The following MACROD2 variants were observed in gnomAD, a reference collection of about 807,000 sequenced individuals.
MACROD2 encodes the protein ADP-ribose glycohydrolase MACROD2.
MACROD2 carries 36 observed loss-of-function variants against 70.4 expected under a neutral mutation model. The ratio of observed to expected loss-of-function variants is 0.51; its 90% CI spans 0.39 to 0.68. The LOEUF (loss-of-function observed/expected upper bound fraction) is 0.68. Ranked by LOEUF, MACROD2 falls within the 30% of genes least tolerant of loss-of-function variation. MACROD2 has a pLI of 0.00. For missense variants in MACROD2, 496 were observed against 538.4 expected (o/e 0.92, Z 0.78); for synonymous variants, 172 against 178.8 (o/e 0.96, Z 0.30).
At chr20:14,127,834 C>G (rs146969935) in intron 3 of MACROD2, 189 of 465,362 alleles carry the variant, frequency 4.1e-4, no homozygotes, top group Non-Finnish European at 6.6e-4. Context: ...AAACAGCAAT[C>G]AATAGCAGGA....
chr20:15,375,675 G>GA (rs544494721), intron 6 of MACROD2, among the ~76,000 whole-genome samples: 4 of 151,844 alleles, frequency 2.6e-5, no homozygotes, highest in Non-Finnish European at 5.9e-5. Context: ...TTTGTTAAAA[G>GA]AAAAAAAATC....
chr20:14,915,767 G>C (rs533286847), intron 5 of MACROD2, among the ~76,000 whole-genome samples: 2 of 152,128 alleles, frequency 1.3e-5, no homozygotes, highest in South Asian at 4.1e-4. Flanking sequence ...TCCACAGCAC[G>C]GTTGACAAAA....
At chr20:14,853,226 TG>T (rs11475878) in intron 5 of MACROD2, among the ~76,000 whole-genome samples, 4,503 of 151,316 alleles carry the variant, frequency 0.03, 218 homozygotes, top group African/African-American at 0.1. Flanking sequence ...GAAGCAAGTT[TG>T]TGACATATAA....
intron 4 of MACROD2, among the ~76,000 whole-genome samples, chr20:14,571,388 G>T (rs1392311213): frequency 1.3e-5 from 2 of 151,968 alleles, no homozygotes; most frequent in Non-Finnish European, 2.9e-5. Flanking sequence ...AAGTCCAGAT[G>T]ATTAAAGTTA....
intron 5 of MACROD2, among the ~76,000 whole-genome samples, chr20:14,773,703 C>G (rs186141177): frequency 2.1e-4 from 32 of 152,202 alleles, no homozygotes; most frequent in Non-Finnish European, 2.9e-4. Flanking sequence ...TAACTCACAT[C>G]TAATATATAG....
At chr20:14,623,391 A>C (rs1327361459) in intron 4 of MACROD2, among the ~76,000 whole-genome samples, 1 of 152,126 alleles carries the variant, frequency 6.6e-6, no homozygotes, top group African/African-American at 2.4e-5. Context: ...AATAAGGGAG[A>C]GTTTATGAAC....
intron 6 of MACROD2, among the ~76,000 whole-genome samples, chr20:15,372,591 A>G: frequency 6.6e-6 from 1 of 152,198 alleles, no homozygotes; most frequent in South Asian, 2.1e-4. Flanking sequence ...AGTTCCTTAC[A>G]TATTTGGTAT....
chr20:15,489,143 A>C (rs1442390376), intron 7 of MACROD2, among the ~76,000 whole-genome samples: 1 of 152,236 alleles, frequency 6.6e-6, no homozygotes, highest in Non-Finnish European at 1.5e-5. Flanking sequence ...TAAATGAAAG[A>C]AAAAGTGTCT....
chr20:15,827,794 C>T (rs1197773385), intron 8 of MACROD2, among the ~76,000 whole-genome samples: 1 of 152,156 alleles, frequency 6.6e-6, no homozygotes, highest in Non-Finnish European at 1.5e-5. Flanking sequence ...TAGCCATTTG[C>T]ATAGGGCATT....
intron 5 of MACROD2, among the ~76,000 whole-genome samples, chr20:15,037,534 C>T (rs1425176056): frequency 6.6e-6 from 1 of 152,186 alleles, no homozygotes; most frequent in Non-Finnish European, 1.5e-5. Context: ...GTCACATGTA[C>T]ATGATTTCAA....
intron 3 of MACROD2, among the ~76,000 whole-genome samples, chr20:14,475,126 T>C (rs1451117527): frequency 2.0e-5 from 3 of 152,042 alleles, no homozygotes; most frequent in Non-Finnish European, 2.9e-5. Context: ...TTGTTTTTTA[T>C]AGGTTTTTAC....
intron 3 of MACROD2, among the ~76,000 whole-genome samples, chr20:14,134,751 G>C (rs2054769032): frequency 7.2e-6 from 1 of 139,296 alleles, no homozygotes; most frequent in East Asian, 2.2e-4. Flanking sequence ...GTTGCAGTGA[G>C]CCGAGATCGC....
chr20:14,401,844 T>C (rs2083641172), intron 3 of MACROD2, among the ~76,000 whole-genome samples: 1 of 152,166 alleles, frequency 6.6e-6, no homozygotes, highest in South Asian at 2.1e-4. Flanking sequence ...TATTTCCCCT[T>C]CTGCTAGACT....
chr20:14,249,931 A>G (rs761566666), intron 3 of MACROD2, among the ~76,000 whole-genome samples: 2 of 152,178 alleles, frequency 1.3e-5, no homozygotes, highest in Non-Finnish European at 2.9e-5. Context: ...TAAAATGTTC[A>G]TCAACCAAAG....
intron 6 of MACROD2, among the ~76,000 whole-genome samples, chr20:15,362,025 T>C (rs2078357778): frequency 1.3e-5 from 2 of 150,410 alleles, no homozygotes; most frequent in African/African-American, 5.0e-5. Flanking sequence ...TTTTTTTTCT[T>C]TTTTGAGACG....
intron 5 of MACROD2, among the ~76,000 whole-genome samples, chr20:14,923,943 A>G (rs565730316): frequency 5.7e-4 from 87 of 152,312 alleles, no homozygotes; most frequent in African/African-American, 2.0e-3. Flanking sequence ...GTCATTAAAA[A>G]GTTAATTTTC....
intron 5 of MACROD2, among the ~76,000 whole-genome samples, chr20:14,767,809 G>T (rs2072111360): frequency 6.6e-6 from 1 of 151,684 alleles, no homozygotes; most frequent in Admixed American, 6.6e-5. Flanking sequence ...CCCCCTGACA[G>T]GCCCCGGTGT....
At chr20:14,167,546 GC>G (rs1370247762) in intron 3 of MACROD2, among the ~76,000 whole-genome samples, 1 of 151,562 alleles carries the variant, frequency 6.6e-6, no homozygotes, top group Non-Finnish European at 1.5e-5. Context: ...ACCATGCCCA[GC>G]TAATTTTTGT....
At position 15,770,350 on chromosome 20, in the gene MACROD2, C is replaced by T. The variant is rs148528860; in HGVS notation, c.646-92395C>T. ...AAGTCTAAGGAAGAATTGTGGCAGACATAAAGATCGTTGAATCAGGACTAA... is the reference window on the plus strand; with the variant it reads ...AAGTCTAAGGAAGAATTGTGGCAGATATAAAGATCGTTGAATCAGGACTAA... On this transcript the variant is annotated intron_variant, in intron 8 of 17. Transcript: ENST00000684519. Among the ~76,000 whole-genome samples, 56 of 152,132 alleles carry T rather than the reference C, an allele frequency of 3.7e-4. 1 individual carries two copies. In the East Asian group the frequency reaches 7.5e-3, roughly 20 times the overall value.
Sources: allele counts gnomAD v4.1 joint callset (sites outside exome capture counted in the v4.1 genomes callset), GRCh38; gene constraint gnomAD v4.1.1; transcripts MANE v1.5; gene names NCBI Gene and HGNC (gene_info 2026-07-23, HGNC 2026-07-21).